Variants in CHAF1A observed in about 807,000 individuals in gnomAD.
CHAF1A encodes the protein chromatin assembly factor 1 subunit A.
Under a neutral mutation model 93.2 loss-of-function variants are expected in CHAF1A, and 5 were observed. The ratio of observed to expected loss-of-function variants is 0.05; its 90% CI spans 0.03 to 0.11. CHAF1A has a LOEUF of 0.11. Among genes scored for constraint, CHAF1A ranks in the 10% least tolerant of loss-of-function variants. The pLI, the probability that CHAF1A is intolerant of heterozygous loss-of-function variation, is 1.00. For synonymous variants in CHAF1A, 504 were observed against 510.3 expected, an observed-to-expected ratio of 0.99 and a Z score of 0.17; for missense variants, 1,102 against 1,259.9, an observed-to-expected ratio of 0.87 and a Z score of 1.90.
In CHAF1A at chr19:4,402,868, G is replaced by T. The variant is rs527839922; in HGVS notation, c.52+54G>T. 22 of 1,099,322 alleles carry T rather than the reference G, an allele frequency of 2.0e-5. No individual in the cohort carries two copies. The East Asian group carries it at 6.9e-4, about 34-fold the overall frequency. The allele number at this position is 1,099,322 out of a possible 1,614,324, so 68.1% of individuals were successfully genotyped here. ...GGGGGGCGCGGCGCGCGGCCTGGACGGGCCGAGGCGGCGATGGGAGGCGGA... is the reference window on the plus strand; with the variant it reads ...GGGGGGCGCGGCGCGCGGCCTGGACTGGCCGAGGCGGCGATGGGAGGCGGA... On this transcript the variant is annotated intron_variant, in intron 1 of 14. Coordinates refer to ENST00000301280, the MANE Select transcript of CHAF1A (RefSeq NM_005483.3).
chr19:4,409,070 C>T lies in CHAF1A; in HGVS notation c.271C>T (p.Leu91Phe). The change falls in exon 3 of 15, where the codon CTT becomes TTT. Residue 91 changes from leucine to phenylalanine, a missense_variant. Transcript: ENST00000301280. ...TTCTGACATAGACTTTAGACCGAAA[C>T]TTGTCAACGGGAAGGGTCCCTTAGA... ...VGSDIDFRPK[L>F]VNGKGPLDNF... The T allele has an allele frequency of 6.2e-7, 1 of 1,614,184 alleles. No homozygotes were observed.
chr19:4,429,209 G>A (rs1974137439), intron 8 of CHAF1A: 3 of 607,562 alleles, frequency 4.9e-6, no homozygotes, highest in South Asian at 4.1e-5. Flanking sequence ...AAATGCTCTG[G>A]GGCTGCACCT....
At chr19:4,407,891 T>G (rs537193579) in intron 2 of CHAF1A, among the ~76,000 whole-genome samples, 19 of 151,920 alleles carry the variant, frequency 1.3e-4, no homozygotes, top group African/African-American at 4.3e-4. Context: ...GAGGTTGCAG[T>G]GAGCTGAGGT....
downstream of CHAF1A, chr19:4,446,650 T>G: frequency 6.2e-7 from 1 of 1,612,428 alleles, no homozygotes; most frequent in Non-Finnish European, 8.5e-7. Flanking sequence ...CAGCTGTTCC[T>G]TGTGCCTCTC....
chr19:4,406,063 A>T (rs1421602772), intron 2 of CHAF1A, 101 bp downstream of exon 2: 1 of 931,000 alleles, frequency 1.1e-6, no homozygotes, highest in Non-Finnish European at 1.7e-6. Context: ...AGGGGAGAGA[A>T]ACAGTCCTTC....
At chr19:4,448,639 T>TC (rs1353376993), downstream of CHAF1A, 4 of 572,608 alleles carry the variant, frequency 7.0e-6, no homozygotes, top group African/African-American at 5.6e-5. Flanking sequence ...AACTCAAGTC[T>TC]CCCCTTCCGC....
chr19:4,432,062 C>A lies in CHAF1A; in HGVS notation c.2058C>A (p.Ile686=), dbSNP rs547209645. ...KRFRVLQPVK[I]GCVWAADRDC... ...TTCGCGTCCTGCAACCTGTGAAGAT[C>A]GGCTGCGTGTGGGCGGCTGACAGAG... is the stretch of plus-strand genomic sequence containing the variant. Residue 686 remains isoleucine (I), a synonymous_variant, in exon 12 of 15, where the codon ATC becomes ATA. Coordinates refer to ENST00000301280, the MANE Select transcript of CHAF1A (RefSeq NM_005483.3). 6.2e-7 allele frequency: 1 copy of A among 1,614,090 alleles called. No homozygotes were observed. Among genetic ancestry groups the A allele is most frequent in the Non-Finnish European group, 8.5e-7 (1 of 1,180,026 alleles).
At chr19:4,449,774 A>C (rs1411096200), downstream of CHAF1A, 1 of 152,236 alleles carries the variant, frequency 6.6e-6, no homozygotes, top group Admixed American at 6.5e-5. Context: ...CTGTAAGCAA[A>C]AGACAGGTGC....
chr19:4,445,957 C>G (rs765195277), downstream of CHAF1A: 18 of 1,505,696 alleles, frequency 1.2e-5, no homozygotes, highest in Non-Finnish European at 1.5e-5. Flanking sequence ...GCTCTGAGAA[C>G]AAGGAGGCTC....
At chr19:4,438,703 G>A (rs1027169077) in intron 13 of CHAF1A, among the ~76,000 whole-genome samples, 2 of 152,202 alleles carry the variant, frequency 1.3e-5, no homozygotes, top group African/African-American at 2.4e-5. Context: ...AGCATAGATG[G>A]CCGGGTGTGG....
chr19:4,446,749 G>A (rs375597089), downstream of CHAF1A: 2 of 1,610,660 alleles, frequency 1.2e-6, no homozygotes, highest in Non-Finnish European at 1.7e-6. Flanking sequence ...GGGTGTCACT[G>A]TGCAATGGAG....
intron 7 of CHAF1A, among the ~76,000 whole-genome samples, chr19:4,425,653 C>T (rs568196659): frequency 1.3e-5 from 2 of 152,218 alleles, no homozygotes; most frequent in African/African-American, 4.8e-5. Context: ...GCCACTATCT[C>T]AACCTCTTTG....
chr19:4,445,587 C>T (rs538086106), downstream of CHAF1A: 47 of 1,613,718 alleles, frequency 2.9e-5, no homozygotes, highest in South Asian at 1.5e-4. Flanking sequence ...TCCAGCACAG[C>T]CATGTCCCAC....
chr19:4,446,177 G>A (rs370207460), downstream of CHAF1A: 13 of 1,607,076 alleles, frequency 8.1e-6, no homozygotes, highest in East Asian at 2.2e-5. Flanking sequence ...GCCCCCAGCC[G>A]CTCCCGAGCG....
rs66491258 is a variant in CHAF1A, at chr19:4,411,644, C to CTTTTTTTTTT, written c.960+1897_960+1906dup. Among the ~76,000 whole-genome samples the CTTTTTTTTTT allele has an allele frequency of 2.1e-3, 101 of 48,180 alleles. 19 individuals are homozygous for CTTTTTTTTTT. The highest frequency in any genetic ancestry group is 7.1e-3 in the South Asian group (9 of 1,270). The allele number at this position is 48,180 out of a possible 152,430, so 31.6% of individuals were successfully genotyped here. ...GAAATGTTGTAAAAATGGTGCAAATCTTTTTTTTTTTTTTTTTTTTTGAGA... is the reference window on the plus strand; with the variant it reads ...GAAATGTTGTAAAAATGGTGCAAATCTTTTTTTTTTTTTTTTTTTTTTTTTTTTTTTGAGA... On this transcript the variant is annotated intron_variant, in intron 3 of 14. Coordinates refer to ENST00000301280, the MANE Select transcript of CHAF1A (RefSeq NM_005483.3).
chr19:4,449,416 G>A (rs927852402), downstream of CHAF1A: 1 of 152,416 alleles, frequency 6.6e-6, no homozygotes, highest in Non-Finnish European at 1.5e-5. Context: ...TACACACTGA[G>A]CCGGGGCTCA....
In CHAF1A at chr19:4,428,795, C is replaced by T. The variant is rs528742438; in HGVS notation, c.1509C>T (p.Ser503=). ...TGGACCAGCTCCTCCAGCAGCAGAG[C>T]GGCGAGTTCTCCTTCTTGAAAGACC... ...SQLDQLLQQQ[S]GEFSFLKDLK... Residue 503 remains serine, a synonymous_variant, in exon 8 of 15, where the codon AGC becomes AGT. Transcript: ENST00000301280. 9.9e-6 allele frequency: 16 copies of T among 1,614,002 alleles called. No individual in the cohort carries two copies. In the East Asian group the frequency reaches 1.3e-4, roughly 13 times the overall value.
At chr19:4,403,839 G>A (rs964981215) in intron 1 of CHAF1A, among the ~76,000 whole-genome samples, 1 of 152,222 alleles carries the variant, frequency 6.6e-6, no homozygotes, top group Non-Finnish European at 1.5e-5. Context: ...GATGTTTTAA[G>A]TCAGGATGTT....
chr19:4,411,642 A>ATTTTTTTTT (rs1202069647), intron 3 of CHAF1A, among the ~76,000 whole-genome samples: 4 of 38,066 alleles, frequency 1.1e-4, no homozygotes, highest in Admixed American at 2.8e-4. Flanking sequence ...AATGGTGCAA[A>ATTTTTTTTT]TCTTTTTTTT....
Sources: allele counts gnomAD v4.1 joint callset (sites outside exome capture counted in the v4.1 genomes callset), GRCh38; gene constraint gnomAD v4.1.1; transcripts MANE v1.5; gene names NCBI Gene and HGNC (gene_info 2026-07-23, HGNC 2026-07-21).